LRP1B: variants seen among roughly 807,000 people sequenced by gnomAD.
LRP1B encodes the protein low-density lipoprotein receptor-related protein 1B.
In LRP1B, 217 loss-of-function variants were observed where a neutral mutation model predicts 556.6. That is an observed-to-expected ratio of 0.39 (90% CI 0.35 to 0.44). The LOEUF (loss-of-function observed/expected upper bound fraction) is 0.44, where lower values mean the gene tolerates loss of function less well. Among genes scored for constraint, LRP1B ranks in the 20% least tolerant of loss-of-function variants. LRP1B has a pLI of 1.00. For synonymous variants in LRP1B, 2,047 were observed against 1,865.8 expected (o/e 1.10, Z -2.50); for missense variants, 5,053 against 5,620.8 (o/e 0.90, Z 3.23).
chr2:141,241,662 A>G (rs1258923887), intron 5 of LRP1B, among the ~76,000 whole-genome samples: 1 of 152,116 alleles, frequency 6.6e-6, no homozygotes, highest in Non-Finnish European at 1.5e-5. Flanking sequence ...AAATTGCTAA[A>G]GCATCCGGCA....
chr2:140,394,293 T>A (rs567054999), intron 66 of LRP1B, among the ~76,000 whole-genome samples: 1 of 152,266 alleles, frequency 6.6e-6, no homozygotes, highest in East Asian at 1.9e-4. Context: ...GAGGACGGCC[T>A]GACCTAGGGT....
chr2:141,084,311 T>A (rs1467772298), intron 7 of LRP1B, among the ~76,000 whole-genome samples: 1 of 152,158 alleles, frequency 6.6e-6, no homozygotes, highest in African/African-American at 2.4e-5. Context: ...GTACAGAAGT[T>A]TCACCCAGTG....
chr2:141,335,923 G>A (rs1484853813), intron 3 of LRP1B, among the ~76,000 whole-genome samples: 5 of 152,052 alleles, frequency 3.3e-5, no homozygotes, highest in African/African-American at 1.2e-4. Flanking sequence ...ATTTGTTATT[G>A]ATTGACTTCG....
intron 1 of LRP1B, among the ~76,000 whole-genome samples, chr2:142,004,689 T>G (rs778502304): frequency 6.6e-6 from 1 of 151,684 alleles, no homozygotes; most frequent in Non-Finnish European, 1.5e-5. Context: ...TTACTAAAAA[T>G]ATGAAAATTA....
At chr2:140,294,534 T>A (rs1683523622) in intron 84 of LRP1B, among the ~76,000 whole-genome samples, 1 of 152,148 alleles carries the variant, frequency 6.6e-6, no homozygotes, top group South Asian at 2.1e-4. Context: ...AAACTGAGAA[T>A]TTGAACAATT....
intron 11 of LRP1B, among the ~76,000 whole-genome samples, chr2:141,046,244 C>T (rs539110921): frequency 1.3e-5 from 2 of 152,242 alleles, no homozygotes; most frequent in African/African-American, 2.4e-5. Flanking sequence ...TTATCAATGT[C>T]TCAGAATTTC....
intron 20 of LRP1B, among the ~76,000 whole-genome samples, 168 bp downstream of exon 20, chr2:140,950,067 A>G (rs530756226): frequency 8.5e-5 from 13 of 152,122 alleles, no homozygotes; most frequent in Non-Finnish European, 1.6e-4. Context: ...AAAGGGAAAA[A>G]GCAAAGAGGG....
intron 3 of LRP1B, among the ~76,000 whole-genome samples, chr2:141,439,457 T>A (rs541685232): frequency 7.9e-5 from 12 of 151,714 alleles, no homozygotes; most frequent in East Asian, 1.9e-4. Context: ...AATAATTTTT[T>A]AAAAATCTTA....
intron 1 of LRP1B, among the ~76,000 whole-genome samples, chr2:141,836,112 G>A (rs768570477): frequency 1.2e-4 from 18 of 151,874 alleles, no homozygotes; most frequent in Non-Finnish European, 2.2e-4. Flanking sequence ...TGTATGTCTT[G>A]TGAAAAGAGA....
intron 86 of LRP1B, among the ~76,000 whole-genome samples, chr2:140,255,460 AT>A (rs897083648): frequency 2.0e-5 from 3 of 152,132 alleles, no homozygotes; most frequent in Non-Finnish European, 2.9e-5. Context: ...AATATACTAT[AT>A]TTTTTATTTC....
chr2:141,984,801 T>G (rs1268253407), intron 1 of LRP1B, among the ~76,000 whole-genome samples: 3 of 152,066 alleles, frequency 2.0e-5, no homozygotes, highest in Non-Finnish European at 2.9e-5. Context: ...AATTTATGGG[T>G]TTATAAGTAC....
chr2:141,544,978 T>G (rs1685500406), intron 2 of LRP1B, among the ~76,000 whole-genome samples: 1 of 152,112 alleles, frequency 6.6e-6, no homozygotes, highest in South Asian at 2.1e-4. Flanking sequence ...ACCATATCAT[T>G]CCCCGTTAAG....
At chr2:141,033,115 A>G (rs889874331) in intron 11 of LRP1B, among the ~76,000 whole-genome samples, 19 of 151,878 alleles carry the variant, frequency 1.3e-4, no homozygotes, top group African/African-American at 4.1e-4. Flanking sequence ...TGTACAGGAC[A>G]GAAAACAGCA....
intron 3 of LRP1B, among the ~76,000 whole-genome samples, chr2:141,378,785 C>T (rs1007306622): frequency 6.6e-6 from 1 of 152,110 alleles, no homozygotes; most frequent in Non-Finnish European, 1.5e-5. Flanking sequence ...AGAAAGAATA[C>T]ATGAACTTTA....
At chr2:141,507,919 G>A (rs1030579484) in intron 2 of LRP1B, among the ~76,000 whole-genome samples, 2 of 151,296 alleles carry the variant, frequency 1.3e-5, no homozygotes, top group Admixed American at 1.3e-4. Flanking sequence ...AACCCCATCT[G>A]TCTACTAAAA....
intron 1 of LRP1B, among the ~76,000 whole-genome samples, chr2:141,820,794 T>C (rs1696726109): frequency 6.6e-6 from 1 of 152,292 alleles, no homozygotes; most frequent in African/African-American, 2.4e-5. Context: ...CAAATAAGAA[T>C]AAAATTTGAA....
chr2:140,595,088 AT>A (rs1558992030), intron 43 of LRP1B, among the ~76,000 whole-genome samples: 43 of 2,112 alleles, frequency 0.02, no homozygotes, highest in Admixed American at 0.097. Context: ...TATAAATTGA[AT>A]ATATATATAT....
At chr2:141,644,007 AGAGTGTGT>A (rs1278520674) in intron 2 of LRP1B, among the ~76,000 whole-genome samples, 5,526 of 142,242 alleles carry the variant, frequency 0.039, 117 homozygotes, top group East Asian at 0.075. Context: ...GAGAATGTGG[AGAGTGTGT>A]GTGTGTGTGT....
At chr2:140,432,216 C>T (rs1411150287) in intron 66 of LRP1B, among the ~76,000 whole-genome samples, 1 of 152,138 alleles carries the variant, frequency 6.6e-6, no homozygotes, top group African/African-American at 2.4e-5. Flanking sequence ...CACATCTGCC[C>T]ACCAGAGAAC....
Sources: allele counts gnomAD v4.1 joint callset (sites outside exome capture counted in the v4.1 genomes callset), GRCh38; gene constraint gnomAD v4.1.1; transcripts MANE v1.5; gene names NCBI Gene and HGNC (gene_info 2026-07-23, HGNC 2026-07-21).